The following DLGAP1 variants were observed in gnomAD, a reference collection of about 807,000 sequenced individuals.
The protein encoded by DLGAP1 is disks large-associated protein 1.
Under a neutral mutation model 90.8 loss-of-function variants are expected in DLGAP1, and 11 were observed. That is an observed-to-expected ratio of 0.12 (90% CI 0.08 to 0.20). The LOEUF is 0.20. DLGAP1 is among the 10% of genes least tolerant of loss of function. The probability of loss-of-function intolerance (pLI) is 1.00; values close to 1 mark genes in which losing one functional copy is unlikely to be tolerated. For missense variants in DLGAP1, 1,050 were observed against 1,333.8 expected (o/e 0.79, Z 3.31); for synonymous variants, 558 against 540.7 (o/e 1.03, Z -0.44).
chr18:4,358,112 C>T (rs573891448), intron 1 of DLGAP1, among the ~76,000 whole-genome samples: 8 of 152,192 alleles, frequency 5.3e-5, no homozygotes, highest in Non-Finnish European at 1.0e-4. Flanking sequence ...CTGTTCTAGA[C>T]ACTGGAGATA....
intron 7 of DLGAP1, among the ~76,000 whole-genome samples, chr18:3,589,667 G>A (rs2056117588): frequency 6.6e-6 from 1 of 152,148 alleles, no homozygotes; most frequent in African/African-American, 2.4e-5. Context: ...GTTATTAAGT[G>A]CAGCTATTAT....
chr18:4,377,294 C>A (rs1365170809), intron 1 of DLGAP1, among the ~76,000 whole-genome samples: 1 of 152,130 alleles, frequency 6.6e-6, no homozygotes, highest in Non-Finnish European at 1.5e-5. Context: ...CATTCTCATC[C>A]ACTCAAGAAG....
chr18:3,639,216 C>T (rs959743147), intron 7 of DLGAP1, among the ~76,000 whole-genome samples: 2 of 151,876 alleles, frequency 1.3e-5, no homozygotes, highest in East Asian at 1.9e-4. Flanking sequence ...GTTAGCCAGG[C>T]GTGGTGGTGG....
chr18:3,822,036 AAAAAG>A, intron 4 of DLGAP1: 1 of 954,314 alleles, frequency 1.0e-6, no homozygotes, highest in Non-Finnish European at 1.2e-6. Context: ...AAAAAAAAAA[AAAAAG>A]AGCAAGAATA....
intron 1 of DLGAP1, among the ~76,000 whole-genome samples, chr18:4,161,703 T>C (rs561721111): frequency 4.1e-4 from 62 of 152,348 alleles, no homozygotes; most frequent in African/African-American, 1.1e-3. Context: ...AGCCTGTGTA[T>C]GCCAGTTGGC....
chr18:3,516,325 A>C (rs2050845421), intron 10 of DLGAP1, among the ~76,000 whole-genome samples: 1 of 152,084 alleles, frequency 6.6e-6, no homozygotes. Context: ...CTGTGAAGTA[A>C]GCACATCATG....
intron 4 of DLGAP1, among the ~76,000 whole-genome samples, chr18:3,852,101 GC>G (rs2069375170): frequency 6.6e-6 from 1 of 151,980 alleles, no homozygotes; most frequent in Non-Finnish European, 1.5e-5. Flanking sequence ...GAAGAAGAAA[GC>G]CAAAACAATG....
At chr18:3,721,037 C>T (rs576838176) in intron 7 of DLGAP1, among the ~76,000 whole-genome samples, 59 of 151,780 alleles carry the variant, frequency 3.9e-4, no homozygotes, top group African/African-American at 1.4e-3. Flanking sequence ...GCCTGAGTGG[C>T]AGAGTGAGAC....
intron 2 of DLGAP1, among the ~76,000 whole-genome samples, chr18:4,070,354 A>G (rs959964258): frequency 6.6e-6 from 1 of 151,952 alleles, no homozygotes; most frequent in Non-Finnish European, 1.5e-5. Flanking sequence ...CTCCACAGAA[A>G]TCTTTTTTTT....
At chr18:4,094,098 C>G (rs191678794) in intron 2 of DLGAP1, among the ~76,000 whole-genome samples, 1 of 152,026 alleles carries the variant, frequency 6.6e-6, no homozygotes, top group Non-Finnish European at 1.5e-5. Flanking sequence ...TATGAATCAA[C>G]CCAGCCTCCA....
At chr18:3,503,429 A>G (rs2050051003) in intron 11 of DLGAP1, among the ~76,000 whole-genome samples, 1 of 152,232 alleles carries the variant, frequency 6.6e-6, no homozygotes, top group Admixed American at 6.5e-5. Flanking sequence ...ACCAGAACAT[A>G]TAAACCTGAA....
intron 4 of DLGAP1, among the ~76,000 whole-genome samples, chr18:3,840,108 C>G (rs144933274): frequency 4.0e-4 from 61 of 152,350 alleles, no homozygotes; most frequent in Middle Eastern, 3.4e-3. Flanking sequence ...GAGGGCCTCT[C>G]TACTCCACAT....
At chr18:4,161,342 T>C (rs1225828898) in intron 1 of DLGAP1, among the ~76,000 whole-genome samples, 1 of 152,062 alleles carries the variant, frequency 6.6e-6, no homozygotes, top group Non-Finnish European at 1.5e-5. Context: ...AAACATGTGG[T>C]GTTTGGTTTT....
Position 4,261,340 on chromosome 18 carries a change from C to G in DLGAP1, c.-266-110053G>C, listed in dbSNP as rs79235669. On this transcript the variant is annotated intron_variant, in intron 1 of 12. Coordinates refer to ENST00000315677, the MANE Select transcript of DLGAP1 (RefSeq NM_004746.4). ...CAGCCTCCAGTGACCTGGCTTCCCC[C>G]ATCCTCTAGCCCTGCTCCTCTGCTC... 3.0e-3 allele frequency among the ~76,000 whole-genome samples: 450 copies of G among 152,272 alleles called. 9 individuals are homozygous for G. The East Asian group carries it at 0.042, about 14-fold the overall frequency.
chr18:3,744,742 C>G (rs922610678), intron 5 of DLGAP1, among the ~76,000 whole-genome samples: 8 of 152,100 alleles, frequency 5.3e-5, no homozygotes, highest in Non-Finnish European at 8.8e-5. Context: ...GATGGGGTTT[C>G]ACCATGTTGG....
intron 1 of DLGAP1, among the ~76,000 whole-genome samples, chr18:4,372,790 T>C (rs1045787298): frequency 1.3e-5 from 2 of 151,714 alleles, no homozygotes; most frequent in South Asian, 2.1e-4. Flanking sequence ...TAGCCAGGCG[T>C]GGTAGTGCAC....
In DLGAP1 at chr18:3,760,979, C is replaced by T. The variant is rs966022166; in HGVS notation, c.1173-18467G>A. On this transcript the variant is annotated intron_variant, in intron 5 of 12. Coordinates refer to ENST00000315677, the MANE Select transcript of DLGAP1 (RefSeq NM_004746.4). ...GCAAGCCACAGCTTCCTCTTTAAAA[C>T]AGAGCTAACAATATCCACCTTATGG... 3.9e-5 allele frequency among the ~76,000 whole-genome samples: 6 copies of T among 152,206 alleles called. No homozygotes were observed. The South Asian group carries it at 1.2e-3, about 32-fold the overall frequency.
intron 2 of DLGAP1, among the ~76,000 whole-genome samples, chr18:4,104,209 G>GATATTTT (rs1217925095): frequency 1.3e-5 from 2 of 152,040 alleles, no homozygotes; most frequent in African/African-American, 4.8e-5. Flanking sequence ...GCTTATTTTA[G>GATATTTT]AGATAGATTT....
intron 2 of DLGAP1, among the ~76,000 whole-genome samples, chr18:4,055,531 A>T (rs550525231): frequency 7.5e-5 from 11 of 145,844 alleles, no homozygotes; most frequent in African/African-American, 2.2e-4. Flanking sequence ...AAGTGAGAAC[A>T]TGCAGTATTT....
Sources: allele counts gnomAD v4.1 joint callset (sites outside exome capture counted in the v4.1 genomes callset), GRCh38; gene constraint gnomAD v4.1.1; transcripts MANE v1.5; gene names NCBI Gene and HGNC (gene_info 2026-07-23, HGNC 2026-07-21).